The following MTHFD2 variants were observed in gnomAD, a reference collection of about 807,000 sequenced individuals.
The protein encoded by MTHFD2 is methylenetetrahydrofolate dehydrogenase (NADP+ dependent) 2, methenyltetrahydrofolate cyclohydrolase.
MTHFD2 carries 26 observed loss-of-function variants against 36.8 expected under a neutral mutation model. The ratio of observed to expected loss-of-function variants is 0.71; its 90% CI spans 0.52 to 0.98. MTHFD2 has a LOEUF of 0.98. Ranked by LOEUF, MTHFD2 falls within the 50% of genes least tolerant of loss-of-function variation. The pLI is 0.00. For missense variants in MTHFD2, 373 were observed against 434.0 expected (o/e 0.86, Z 1.25); for synonymous variants, 164 against 155.2 (o/e 1.06, Z -0.42).
At position 74,207,834 on chromosome 2, in the gene MTHFD2, T is replaced by G. The variant is rs761468889; in HGVS notation, c.409+8T>G. 6.3e-7 allele frequency: 1 copy of G among 1,584,322 alleles called. No homozygotes were observed. The highest frequency in any genetic ancestry group is 2.3e-5 in the East Asian group (1 of 44,210). ...TTCAGTTGCCTCTTCCAGGTGAGTTTTGGACTCCATTTAACATGATTGCTG... is the reference window on the plus strand; with the variant it reads ...TTCAGTTGCCTCTTCCAGGTGAGTTGTGGACTCCATTTAACATGATTGCTG... On this transcript the variant is annotated splice_region_variant and intron_variant, in intron 3 of 7. Transcript: ENST00000394053.
Position 74,217,405 on chromosome 2 carries a change from C to G in MTHFD2, c.*3163C>G, listed in dbSNP as rs1694478442. 6.6e-6 allele frequency: 1 copy of G among 152,166 alleles called. No individual in the cohort carries two copies. The highest frequency in any genetic ancestry group is 2.4e-5 in the African/African-American group (1 of 41,442). 9.4% of individuals were successfully genotyped at this position (152,166 alleles called of 1,614,324 possible). Reference sequence around the variant, plus strand: ...TTGCTTCATTGAAACTGGTTTTTATCTTCCCAAATAGTTTTCAATCATTCC... The same window carrying G: ...TTGCTTCATTGAAACTGGTTTTTATGTTCCCAAATAGTTTTCAATCATTCC... On this transcript the variant is annotated 3_prime_UTR_variant, in exon 8 of 8. Transcript: ENST00000394053.
rs369990126 is a variant in MTHFD2, at chr2:74,214,183, C to A, written c.994C>A (p.Leu332Met). The change falls in exon 8 of 8, where the codon CTG becomes ATG. Residue 332 changes from leucine to methionine, a missense_variant. Leu to Met is a conservative substitution (Grantham distance 15). Transcript: ENST00000394053. ...KNTIIAAKKV[L>M]RLEEREVLKS... ...TACCATTATTGCTGCAAAAAAGGTG[C>A]TGAGGCTTGAAGAGCGAGAAGTGCT... is the stretch of plus-strand genomic sequence containing the variant. 3 of 1,613,970 alleles carry A rather than the reference C, an allele frequency of 1.9e-6. No homozygotes were observed. Among genetic ancestry groups the A allele is most frequent in the Non-Finnish European group, 2.5e-6 (3 of 1,179,980 alleles).
chr2:74,208,698 T>C lies in MTHFD2; in HGVS notation c.539T>C (p.Val180Ala). Residue 180 changes from valine to alanine, a missense_variant, in exon 4 of 8, where the codon GTG (valine) becomes GCG (alanine). Physicochemically the swap from Val to Ala is moderately conservative, Grantham distance 64. Transcript: ENST00000394053. ...ATGTTACCGGCTACTCCATGGGGTG[T>C]GTGGGAAATAATCAAGCGAACTGGT... ...YSMLPATPWG[V>A]WEIIKRTGIP... The C allele has an allele frequency of 6.2e-7, 1 of 1,614,082 alleles. No homozygotes were observed. Among genetic ancestry groups the C allele is most frequent in the South Asian group, 1.1e-5 (1 of 91,064 alleles).
At chr2:74,204,192 G>C (rs957414635) in intron 1 of MTHFD2, among the ~76,000 whole-genome samples, 5 of 152,054 alleles carry the variant, frequency 3.3e-5, no homozygotes, top group African/African-American at 1.2e-4. Flanking sequence ...GGGATTACAG[G>C]CTTGAGCTAC....
At position 74,198,617 on chromosome 2, in the gene MTHFD2, C is replaced by G. The variant is rs1281009785; in HGVS notation, c.-25C>G. The G allele has an allele frequency of 6.3e-6, 10 of 1,580,650 alleles. No individual in the cohort carries two copies. Among genetic ancestry groups the G allele is most frequent in the South Asian group, 5.7e-5 (5 of 87,546 alleles). On this transcript the variant is annotated 5_prime_UTR_variant, in exon 1 of 8. Coordinates refer to ENST00000394053, the MANE Select transcript of MTHFD2 (RefSeq NM_006636.4). ...GCGTGGCCCGCGCGCGCGCTTCCCTCCCGGCGCAGTCACCGGCGCGGTCTA... is the reference window on the plus strand; with the variant it reads ...GCGTGGCCCGCGCGCGCGCTTCCCTGCCGGCGCAGTCACCGGCGCGGTCTA...
intron 7 of MTHFD2, 132 bp from the exon 8 acceptor site, chr2:74,213,947 T>G: frequency 1.1e-6 from 1 of 904,546 alleles, no homozygotes; most frequent in Middle Eastern, 3.7e-4. Flanking sequence ...CCTTGAATGA[T>G]GTAGATGTGA....
At chr2:74,198,821 A>C (rs1011902284) in intron 1 of MTHFD2, 79 bp downstream of exon 1, 4 of 1,301,088 alleles carry the variant, frequency 3.1e-6, no homozygotes, top group Non-Finnish European at 4.2e-6. Flanking sequence ...CCCCCGAGGG[A>C]CACCGAGGGA....
intron 7 of MTHFD2, among the ~76,000 whole-genome samples, chr2:74,212,730 T>G (rs1478483821): frequency 6.6e-6 from 1 of 152,230 alleles, no homozygotes; most frequent in Non-Finnish European, 1.5e-5. Flanking sequence ...TTCTTGACTT[T>G]TAACAAGTTT....
At chr2:74,203,918 T>TAGTTTAGTTTAGTTTAGTTTAGTTC (rs1558853002) in intron 1 of MTHFD2, among the ~76,000 whole-genome samples, 2 of 121,482 alleles carry the variant, frequency 1.6e-5, no homozygotes, top group African/African-American at 5.8e-5. Flanking sequence ...TAGTTTAGTT[T>TAGTTTAGTTTAGTTTAGTTTAGTTC]AGTTTAGTTT....
Position 74,208,547 on chromosome 2 carries a change from A to G in MTHFD2, c.410-22A>G, listed in dbSNP as rs1305196886. On this transcript the variant is annotated intron_variant, in intron 3 of 7. Coordinates refer to ENST00000394053, the MANE Select transcript of MTHFD2 (RefSeq NM_006636.4). ...GACTATGCGGTGGTGATTTAAGGCAACTGTGCCAATTTCTTTTTCAGAGCA... is the reference window on the plus strand; with the variant it reads ...GACTATGCGGTGGTGATTTAAGGCAGCTGTGCCAATTTCTTTTTCAGAGCA... 20 of 1,611,784 alleles carry G rather than the reference A, an allele frequency of 1.2e-5. No individual in the cohort carries two copies. The Admixed American group carries it at 3.3e-4, about 27-fold the overall frequency.
At position 74,201,213 on chromosome 2, in the gene MTHFD2, C is replaced by G. The variant is rs180783139; in HGVS notation, c.101+2471C>G. ...ATGTTGGCCAGGCTGGTCTCGACCT[C>G]CTGACCTCAAATGATCCACCCACCT... On this transcript the variant is annotated intron_variant, in intron 1 of 7. Transcript: ENST00000394053. 1.6e-3 allele frequency among the ~76,000 whole-genome samples: 236 copies of G among 152,158 alleles called. 1 individual carries two copies. The highest frequency in any genetic ancestry group is 5.5e-3 in the African/African-American group (230 of 41,510).
intron 1 of MTHFD2, 59 bp from the exon 2 acceptor site, chr2:74,205,646 G>T: frequency 1.3e-6 from 2 of 1,557,866 alleles, no homozygotes; most frequent in Non-Finnish European, 8.7e-7. Context: ...ACCTGGCAGA[G>T]TTTTAGTTTT....
chr2:74,201,214 C>T (rs754881569), intron 1 of MTHFD2, among the ~76,000 whole-genome samples: 20 of 152,074 alleles, frequency 1.3e-4, no homozygotes, highest in Non-Finnish European at 2.1e-4. Context: ...TCTCGACCTC[C>T]TGACCTCAAA....
rs1171944961 is a variant in MTHFD2 at position 74,203,843 on chromosome 2, C to CTAGTTTAGTTTAGTT, written c.102-1811_102-1797dup. On this transcript the variant is annotated intron_variant, in intron 1 of 7. Transcript: ENST00000394053. The stretch of plus-strand genomic sequence containing the variant: ...TTTTACTTAAGGAAGAGATGCTCAT[C>CTAGTTTAGTTTAGTT]TAGTTTAGTTTAGTTTAGTTTAGTT... Among the ~76,000 whole-genome samples the CTAGTTTAGTTTAGTT allele has an allele frequency of 7.3e-3, 587 of 80,582 alleles. 21 individuals are homozygous for CTAGTTTAGTTTAGTT. Among genetic ancestry groups the CTAGTTTAGTTTAGTT allele is most frequent in the South Asian group, 0.016 (42 of 2,546 alleles). 52.9% of individuals were successfully genotyped at this position (80,582 alleles called of 152,430 possible).
chr2:74,211,944 CTTTTTTTTTTT>C (rs71406866), intron 7 of MTHFD2, 78 bp downstream of exon 7: 1 of 461,356 alleles, frequency 2.2e-6, no homozygotes, highest in Admixed American at 6.6e-5. Context: ...AGATTATTTA[CTTTTTTTTTTT>C]TTTTTTTTTT....
chr2:74,210,149 T>C, intron 5 of MTHFD2, 100 bp downstream of exon 5: 1 of 895,802 alleles, frequency 1.1e-6, no homozygotes, highest in Middle Eastern at 2.3e-4. Flanking sequence ...TCTGTTATAC[T>C]TTGTATTTGT....
intron 3 of MTHFD2, 132 bp downstream of exon 3, chr2:74,207,958 G>A: frequency 1.1e-6 from 1 of 933,868 alleles, no homozygotes; most frequent in Non-Finnish European, 1.6e-6. Context: ...ACCCAGGCTA[G>A]AGTGCAATGG....
chr2:74,205,646 G>A (rs1694157876), intron 1 of MTHFD2, 59 bp from the exon 2 acceptor site: 10 of 1,557,748 alleles, frequency 6.4e-6, no homozygotes, highest in South Asian at 3.5e-5. Context: ...ACCTGGCAGA[G>A]TTTTAGTTTT....
chr2:74,210,777 TTAAG>T (rs772818568), intron 5 of MTHFD2, among the ~76,000 whole-genome samples: 3 of 146,314 alleles, frequency 2.1e-5, no homozygotes, highest in East Asian at 2.0e-4. Flanking sequence ...GCACAAGCCA[TTAAG>T]TCAGTTTTTT....
Sources: gnomAD v4.1 joint callset for allele counts (sites outside exome capture counted in the v4.1 genomes callset) on GRCh38, gnomAD v4.1.1 for gene constraint, MANE v1.5 for transcripts, NCBI Gene and HGNC (gene_info 2026-07-23, HGNC 2026-07-21) for gene names.